The following PBRM1 variants were observed in gnomAD, a reference collection of about 807,000 sequenced individuals.
PBRM1 encodes polybromo 1.
In PBRM1, 27 loss-of-function variants were observed where a neutral mutation model predicts 194.5. The observed-to-expected ratio is 0.14, with a 90% CI of 0.10 to 0.19. The LOEUF (loss-of-function observed/expected upper bound fraction) is 0.19. Among genes scored for constraint, PBRM1 ranks in the 10% least tolerant of loss-of-function variants. The probability of loss-of-function intolerance (pLI) is 1.00; values close to 1 mark genes in which losing one functional copy is unlikely to be tolerated. For missense variants in PBRM1, 1,466 were observed against 2,077.2 expected, an observed-to-expected ratio of 0.71 and a Z score of 5.72; for synonymous variants, 655 against 693.2, an observed-to-expected ratio of 0.94 and a Z score of 0.87.
At chr3:52,641,770 G>C (rs1040230418) in intron 10 of PBRM1, among the ~76,000 whole-genome samples, 184 bp downstream of exon 11, 2 of 152,126 alleles carry the variant, frequency 1.3e-5, no homozygotes, top group Admixed American at 1.3e-4. Flanking sequence ...CCAAATATGA[G>C]TTTTAAGACA....
At chr3:52,579,591 C>G (rs2090569571) in intron 20 of PBRM1, among the ~76,000 whole-genome samples, 1 of 151,730 alleles carries the variant, frequency 6.6e-6, no homozygotes, top group Admixed American at 6.6e-5. Flanking sequence ...GAGCAAGACC[C>G]TGTCTCAAGA....
intron 17 of PBRM1, among the ~76,000 whole-genome samples, chr3:52,597,218 T>C (rs1262488399): frequency 6.6e-6 from 1 of 152,214 alleles, no homozygotes; most frequent in Non-Finnish European, 1.5e-5. Flanking sequence ...TTCTACCCTC[T>C]TTCAGAGATA....
chr3:52,655,547 C>T (rs1238028237), intron 5 of PBRM1, among the ~76,000 whole-genome samples: 1 of 152,136 alleles, frequency 6.6e-6, no homozygotes, highest in Non-Finnish European at 1.5e-5. Context: ...AATATCTCTT[C>T]AATACCCTGC....
chr3:52,656,499 A>G (rs2096609524), intron 5 of PBRM1, among the ~76,000 whole-genome samples: 1 of 152,116 alleles, frequency 6.6e-6, no homozygotes, highest in South Asian at 2.1e-4. Flanking sequence ...GCTTGTCTCT[A>G]CTAAAAAATA....
intron 7 of PBRM1, among the ~76,000 whole-genome samples, chr3:52,648,054 G>A (rs367618212): frequency 4.9e-4 from 75 of 151,930 alleles, no homozygotes; most frequent in Middle Eastern, 3.4e-3. Flanking sequence ...GATTACAGGC[G>A]CCTGCCACCA....
chr3:52,593,877 G>A (rs2093333142), intron 17 of PBRM1, among the ~76,000 whole-genome samples: 1 of 152,124 alleles, frequency 6.6e-6, no homozygotes. Context: ...TGTCCCATGT[G>A]GTAATGAGAA....
chr3:52,662,353 T>C (rs747224812), intron 3 of PBRM1, 77 bp from the exon 5 acceptor site: 159 of 1,317,258 alleles, frequency 1.2e-4, no homozygotes, highest in Admixed American at 2.8e-4. Flanking sequence ...AAAGCACCTG[T>C]TTCAGCAAAG....
At chr3:52,673,882 C>T (rs1392409629) in intron 2 of PBRM1, among the ~76,000 whole-genome samples, 1 of 150,914 alleles carries the variant, frequency 6.6e-6, no homozygotes, top group Non-Finnish European at 1.5e-5. Context: ...GAAACCCTAT[C>T]TCTACTAAAA....
At chr3:52,577,293 T>G (rs1330245679) in intron 21 of PBRM1, among the ~76,000 whole-genome samples, 2 of 152,032 alleles carry the variant, frequency 1.3e-5, no homozygotes, top group Non-Finnish European at 2.9e-5. Context: ...TAGCCAGCCC[T>G]GGCAGTGTGC....
intron 2 of PBRM1, among the ~76,000 whole-genome samples, chr3:52,676,949 A>G (rs1221302803): frequency 6.6e-6 from 1 of 152,210 alleles, no homozygotes; most frequent in Non-Finnish European, 1.5e-5. Flanking sequence ...CTTGAGAAAG[A>G]TGATTTAGGG....
At chr3:52,664,693 C>T (rs963655135) in intron 3 of PBRM1, among the ~76,000 whole-genome samples, 1 of 151,116 alleles carries the variant, frequency 6.6e-6, no homozygotes, top group Non-Finnish European at 1.5e-5. Flanking sequence ...AAGATCACAC[C>T]ACTGCACTCC....
chr3:52,561,726 C>T, intron 25 of PBRM1, 41 bp downstream of exon 27: 1 of 1,554,518 alleles, frequency 6.4e-7, no homozygotes, highest in Non-Finnish European at 8.9e-7. Context: ...CCTGAAACAC[C>T]CCCTTGCTTC....
At chr3:52,565,847 G>A (rs1056802122) in intron 22 of PBRM1, among the ~76,000 whole-genome samples, 3 of 152,006 alleles carry the variant, frequency 2.0e-5, no homozygotes, top group African/African-American at 4.8e-5. Context: ...TCAGGAGATC[G>A]AGACCGTCCT....
At chr3:52,636,584 C>T (rs1014346795) in intron 10 of PBRM1, among the ~76,000 whole-genome samples, 2 of 150,584 alleles carry the variant, frequency 1.3e-5, no homozygotes, top group African/African-American at 2.4e-5. Flanking sequence ...GATGAAACCC[C>T]GTCTCTACTA....
At chr3:52,585,140 C>T (rs1212927521) in intron 20 of PBRM1, among the ~76,000 whole-genome samples, 1 of 152,072 alleles carries the variant, frequency 6.6e-6, no homozygotes, top group Admixed American at 6.6e-5. Context: ...TACTTTTTCC[C>T]CCAAGTAATT....
intron 2 of PBRM1, among the ~76,000 whole-genome samples, chr3:52,670,764 G>A (rs2096929727): frequency 6.6e-6 from 1 of 152,208 alleles, no homozygotes; most frequent in Non-Finnish European, 1.5e-5. Flanking sequence ...GGAGGCTGAG[G>A]GAGGACTGCT....
intron 2 of PBRM1, among the ~76,000 whole-genome samples, chr3:52,671,988 C>T (rs1428961894): frequency 6.6e-6 from 1 of 152,214 alleles, no homozygotes; most frequent in African/African-American, 2.4e-5. Context: ...CAAATTACCA[C>T]AAACTTCAGG....
At chr3:52,551,329 T>C (rs973350049) in intron 27 of PBRM1, among the ~76,000 whole-genome samples, 2 of 152,172 alleles carry the variant, frequency 1.3e-5, no homozygotes, top group Non-Finnish European at 2.9e-5. Context: ...TCCCAGACCA[T>C]CAGCAGCTGG....
intron 14 of PBRM1, among the ~76,000 whole-genome samples, chr3:52,615,890 T>C (rs1392961535): frequency 6.6e-6 from 1 of 152,252 alleles, no homozygotes; most frequent in Non-Finnish European, 1.5e-5. Flanking sequence ...AAATCTGAGT[T>C]CACAGTCTGA....
Sources: allele counts gnomAD v4.1 joint callset (sites outside exome capture counted in the v4.1 genomes callset), GRCh38; gene constraint gnomAD v4.1.1; transcripts MANE v1.5; gene names NCBI Gene and HGNC (gene_info 2026-07-23, HGNC 2026-07-21).